Variants in ERBB4 observed in about 807,000 individuals in gnomAD.
ERBB4 encodes erb-b2 receptor tyrosine kinase 4, also known as receptor tyrosine-protein kinase erbB-4.
A neutral mutation model predicts 158.0 loss-of-function variants in ERBB4; 42 were observed. The observed-to-expected ratio is 0.27, with a 90% CI of 0.21 to 0.34. The LOEUF is 0.34. ERBB4 is among the 10% of genes least tolerant of loss of function. ERBB4 has a pLI of 1.00. For missense variants in ERBB4, 1,333 were observed against 1,624.1 expected (o/e 0.82, Z 3.08); for synonymous variants, 583 against 558.7 (o/e 1.04, Z -0.61).
intron 20 of ERBB4, among the ~76,000 whole-genome samples, chr2:211,503,171 A>T (rs1041494066): frequency 5.9e-5 from 9 of 152,122 alleles, no homozygotes; most frequent in African/African-American, 2.2e-4. Flanking sequence ...TTGGGCCTAG[A>T]GAATACAGAG....
At chr2:211,518,132 C>A (rs147441910) in intron 20 of ERBB4, among the ~76,000 whole-genome samples, 1 of 151,904 alleles carries the variant, frequency 6.6e-6, no homozygotes, top group Non-Finnish European at 1.5e-5. Flanking sequence ...GGACTAAGGA[C>A]GTGAGGTCTG....
intron 12 of ERBB4, among the ~76,000 whole-genome samples, chr2:211,695,705 A>T (rs1223112290): frequency 2.0e-5 from 3 of 152,110 alleles, no homozygotes; most frequent in East Asian, 1.9e-4. Context: ...CAAATTTTTA[A>T]TTCACCACTT....
chr2:211,916,206 G>T (rs1325152373), intron 3 of ERBB4, among the ~76,000 whole-genome samples: 1 of 151,936 alleles, frequency 6.6e-6, no homozygotes, highest in African/African-American at 2.4e-5. Context: ...TTGAGACAGA[G>T]TCTCGCTCTG....
At chr2:211,392,683 TTTC>T (rs2062828222) in intron 25 of ERBB4, among the ~76,000 whole-genome samples, 1 of 151,984 alleles carries the variant, frequency 6.6e-6, no homozygotes, top group African/African-American at 2.4e-5. Context: ...TTTGTTTGTT[TTTC>T]GAGATGGAGT....
intron 20 of ERBB4, among the ~76,000 whole-genome samples, chr2:211,531,807 G>GAT (rs1054447358): frequency 1.3e-5 from 2 of 151,972 alleles, no homozygotes; most frequent in African/African-American, 4.8e-5. Flanking sequence ...CCCACTCCTA[G>GAT]ATATATATCC....
intron 3 of ERBB4, among the ~76,000 whole-genome samples, chr2:211,845,211 T>A (rs1209550337): frequency 6.6e-6 from 1 of 151,986 alleles, no homozygotes; most frequent in Admixed American, 6.6e-5. Context: ...TCCTCAAATA[T>A]ACCAATACCC....
chr2:212,456,874 A>G (rs1457773494), intron 1 of ERBB4, among the ~76,000 whole-genome samples: 2 of 152,018 alleles, frequency 1.3e-5, no homozygotes, highest in Non-Finnish European at 2.9e-5. Flanking sequence ...AAGTAGACAG[A>G]CAAAATTGAT....
At chr2:211,429,528 A>G (rs2063705825) in intron 21 of ERBB4, among the ~76,000 whole-genome samples, 1 of 152,228 alleles carries the variant, frequency 6.6e-6, no homozygotes, top group South Asian at 2.1e-4. Flanking sequence ...ATGATGGGTC[A>G]GCAGAATGAG....
intron 2 of ERBB4, among the ~76,000 whole-genome samples, chr2:212,085,926 T>C (rs1296138907): frequency 1.3e-5 from 2 of 151,878 alleles, no homozygotes; most frequent in Non-Finnish European, 2.9e-5. Context: ...TAAGAAGGGA[T>C]ATAACACCAT....
chr2:211,937,505 G>A (rs566226923), intron 3 of ERBB4, among the ~76,000 whole-genome samples: 6 of 152,076 alleles, frequency 3.9e-5, no homozygotes, highest in Admixed American at 3.3e-4. Flanking sequence ...ACATTGCTGC[G>A]AAGATACCAC....
chr2:212,460,881 T>C (rs887583281), intron 1 of ERBB4, among the ~76,000 whole-genome samples: 1 of 152,164 alleles, frequency 6.6e-6, no homozygotes, highest in Admixed American at 6.5e-5. Flanking sequence ...TGGCAGCCCC[T>C]GCTATCACAG....
At chr2:211,570,003 G>A (rs1009819233) in intron 19 of ERBB4, among the ~76,000 whole-genome samples, 1 of 152,100 alleles carries the variant, frequency 6.6e-6, no homozygotes, top group African/African-American at 2.4e-5. Context: ...CTCTTTGGCT[G>A]AAGGTAAATG....
intron 20 of ERBB4, among the ~76,000 whole-genome samples, chr2:211,486,257 C>T (rs1185371291): frequency 6.6e-6 from 1 of 151,836 alleles, no homozygotes; most frequent in African/African-American, 2.4e-5. Flanking sequence ...CTTTTCGTTC[C>T]CAGGTGCAAA....
rs2063568959 is a variant in ERBB4, at chr2:211,424,016, A to G, written c.2866+139T>C. The G allele has an allele frequency of 3.9e-5, 31 of 803,200 alleles. 1 individual carries two copies. The South Asian group carries it at 4.4e-4, about 12-fold the overall frequency. 49.8% of individuals were successfully genotyped at this position (803,200 alleles called of 1,614,324 possible). Reference sequence around the variant, plus strand: ...TATATTAATAATAGTCACAACAAAGAGGCGTTCATATGTTCCTTTCATAAT... The same window carrying G: ...TATATTAATAATAGTCACAACAAAGGGGCGTTCATATGTTCCTTTCATAAT... On this transcript the variant is annotated intron_variant, in intron 23 of 27. Transcript: ENST00000342788.
intron 18 of ERBB4, among the ~76,000 whole-genome samples, chr2:211,619,556 A>G (rs2069518644): frequency 6.6e-6 from 1 of 152,112 alleles, no homozygotes; most frequent in Non-Finnish European, 1.5e-5. Context: ...TTGAATAGTG[A>G]AGACAGCATG....
At chr2:211,986,647 C>T (rs775101545) in intron 2 of ERBB4, among the ~76,000 whole-genome samples, 4 of 152,086 alleles carry the variant, frequency 2.6e-5, no homozygotes, top group Non-Finnish European at 4.4e-5. Flanking sequence ...ATTTCCTAGC[C>T]TTGGAATTCT....
chr2:211,715,479 G>T (rs185541193), intron 7 of ERBB4, among the ~76,000 whole-genome samples: 1 of 152,278 alleles, frequency 6.6e-6, no homozygotes, highest in South Asian at 2.1e-4. Context: ...TTTCTTCAAG[G>T]TCTTGTGATA....
intron 3 of ERBB4, among the ~76,000 whole-genome samples, chr2:211,923,488 A>G (rs932042924): frequency 3.3e-5 from 5 of 152,164 alleles, no homozygotes; most frequent in Admixed American, 3.3e-4. Context: ...AGTAAGAGCA[A>G]TGAGACATAA....
At position 211,418,623 on chromosome 2, in the gene ERBB4, G is replaced by C. The variant is rs547402523; in HGVS notation, c.3135+1818C>G. Among the ~76,000 whole-genome samples the C allele has an allele frequency of 1.4e-4, 21 of 152,046 alleles. No homozygotes were observed. The South Asian group carries it at 4.4e-3, about 32-fold the overall frequency. On this transcript the variant is annotated intron_variant, in intron 25 of 27. Coordinates refer to ENST00000342788, the MANE Select transcript of ERBB4 (RefSeq NM_005235.3). Reference sequence around the variant, plus strand: ...ATTAAAATGAACAAAAAGCTGAAATGTAAGAATTCTTATAAAAAGAAAAAG... The same window carrying C: ...ATTAAAATGAACAAAAAGCTGAAATCTAAGAATTCTTATAAAAAGAAAAAG...
Sources: gnomAD v4.1 joint callset for allele counts (sites outside exome capture counted in the v4.1 genomes callset) on GRCh38, gnomAD v4.1.1 for gene constraint, MANE v1.5 for transcripts, NCBI Gene and HGNC (gene_info 2026-07-23, HGNC 2026-07-21) for gene names.